BRD9: variants seen among roughly 807,000 people sequenced by gnomAD.
BRD9 encodes bromodomain-containing protein 9.
In BRD9, 47 loss-of-function variants were observed where a neutral mutation model predicts 68.7. That is an observed-to-expected ratio of 0.68 (90% confidence interval 0.54 to 0.87). BRD9 has a LOEUF of 0.87. Ranked by LOEUF, BRD9 falls within the 40% of genes least tolerant of loss-of-function variation. The pLI, the probability that BRD9 is intolerant of heterozygous loss-of-function variation, is 0.00. For synonymous variants in BRD9, 313 were observed against 293.9 expected (o/e 1.06, Z -0.67); for missense variants, 670 against 748.4 (o/e 0.90, Z 1.22).
chr5:883,053 TC>T (rs1752026794), intron 8 of BRD9: 2 of 338,398 alleles, frequency 5.9e-6, no homozygotes, highest in Admixed American at 8.3e-5. Context: ...CACTGCAACT[TC>T]CCAACACGTG....
intron 14 of BRD9, chr5:869,534 C>G (rs915178867): frequency 5.8e-6 from 2 of 345,906 alleles, no homozygotes; most frequent in Non-Finnish European, 1.1e-5. Context: ...CCTGACCCAA[C>G]AGAGATTTAA....
intron 12 of BRD9, 35 bp from the exon 13 acceptor site, chr5:871,599 CAG>C (rs1443986634): frequency 6.3e-7 from 1 of 1,597,862 alleles, no homozygotes; most frequent in East Asian, 2.2e-5. Context: ...CTAGTTTTTC[CAG>C]AGTGATTTCA....
intron 7 of BRD9, among the ~76,000 whole-genome samples, chr5:885,951 C>G (rs920601979): frequency 1.3e-5 from 2 of 152,120 alleles, no homozygotes; most frequent in Non-Finnish European, 2.9e-5. Context: ...GACAAAGAGC[C>G]CCCATGAAAA....
At chr5:869,755 T>G (rs559185369) in intron 14 of BRD9, among the ~76,000 whole-genome samples, 3 of 152,340 alleles carry the variant, frequency 2.0e-5, no homozygotes, top group Non-Finnish European at 2.9e-5. Context: ...AATCTCTGAA[T>G]CCACCAACGA....
intron 14 of BRD9, 43 bp downstream of exon 14, chr5:870,430 C>T (rs1453910145): frequency 2.0e-6 from 3 of 1,477,556 alleles, no homozygotes; most frequent in South Asian, 1.1e-5. Flanking sequence ...TCCTCTATCA[C>T]ACCTTCACCA....
Position 864,393 on chromosome 5 carries a change from G to A in BRD9, c.*75C>T, listed in dbSNP as rs1034584599. On this transcript the variant is annotated 3_prime_UTR_variant, in exon 16 of 16. Coordinates refer to ENST00000467963, the MANE Select transcript of BRD9 (RefSeq NM_023924.5). ...CAAAGGGGACAGGATCAAAGTCCTTGTCTGATGACAAAAACTCTACACGTG... is the reference window on the plus strand; with the variant it reads ...CAAAGGGGACAGGATCAAAGTCCTTATCTGATGACAAAAACTCTACACGTG... 3.1e-6 allele frequency: 4 copies of A among 1,283,446 alleles called. No homozygotes were observed. The highest frequency in any genetic ancestry group is 4.3e-6 in the Non-Finnish European group (4 of 924,614). 79.5% of individuals were successfully genotyped at this position (1,283,446 alleles called of 1,614,324 possible). A position where few individuals can be genotyped will look rare whatever the true frequency, so the allele number is the denominator to read the frequency against.
intron 6 of BRD9, 196 bp from the exon 7 acceptor site, chr5:886,903 G>T: frequency 1.0e-6 from 1 of 955,524 alleles, no homozygotes; most frequent in Non-Finnish European, 1.5e-6. Context: ...AGCAGCGGGA[G>T]GTGGTTGTGG....
In BRD9 at chr5:871,474, C is replaced by T. The variant is rs1750118398; in HGVS notation, c.1422+52G>A. The T allele has an allele frequency of 6.4e-6, 10 of 1,571,006 alleles. No individual in the cohort carries two copies. In the South Asian group the frequency reaches 1.1e-4, roughly 17 times the overall value. On this transcript the variant is annotated intron_variant, in intron 13 of 15. Transcript: ENST00000467963. ...TCCCCACCTCAAAGGCTGGATACAA[C>T]TTTCCCTGTGAGAATAATATTTGGC...
intron 4 of BRD9, 69 bp downstream of exon 4, chr5:889,518 A>C: frequency 2.6e-6 from 4 of 1,537,752 alleles, no homozygotes; most frequent in Non-Finnish European, 3.6e-6. Flanking sequence ...TGGCGTGGGG[A>C]ATAAGGCCTC....
chr5:875,826 T>C (rs1156839945), intron 12 of BRD9, among the ~76,000 whole-genome samples: 1 of 152,194 alleles, frequency 6.6e-6, no homozygotes, highest in Non-Finnish European at 1.5e-5. Flanking sequence ...CAGGAAATAT[T>C]TTTTTAAACT....
chr5:890,152 C>A, intron 3 of BRD9: 1 of 227,224 alleles, frequency 4.4e-6, no homozygotes, highest in Non-Finnish European at 9.0e-6. Context: ...TGAATCACGA[C>A]ACTGCACTCC....
At chr5:871,748 A>C (rs1391792014) in intron 12 of BRD9, among the ~76,000 whole-genome samples, 184 bp from the exon 13 acceptor site, 1 of 152,218 alleles carries the variant, frequency 6.6e-6, no homozygotes. Context: ...CCAGTCACTG[A>C]CCCAACCACG....
intron 8 of BRD9, chr5:883,732 C>A: frequency 3.0e-6 from 2 of 665,086 alleles, no homozygotes; most frequent in Non-Finnish European, 5.0e-6. Flanking sequence ...GCATGAAACA[C>A]CAGCGGCAGC....
Position 880,744 on chromosome 5 carries a change from A to G in BRD9, c.1042+363T>C, listed in dbSNP as rs758667105. 4.7e-4 allele frequency among the ~76,000 whole-genome samples: 71 copies of G among 152,218 alleles called. 1 individual carries two copies. The highest frequency in any genetic ancestry group is 1.0e-4 in the Non-Finnish European group (7 of 68,036). ...TCTTCTAAGACTGCTTTCCAGATTC[A>G]AGGAGCAGGGTGGGCCAGCACTCTG... On this transcript the variant is annotated intron_variant, in intron 9 of 15. Coordinates refer to ENST00000467963, the MANE Select transcript of BRD9 (RefSeq NM_023924.5).
intron 11 of BRD9, 107 bp downstream of exon 11, chr5:878,248 G>A: frequency 6.6e-7 from 1 of 1,507,300 alleles, no homozygotes. Context: ...ATGGACGGCT[G>A]CAAGATGGCT....
chr5:869,724 T>C (rs1332589803), intron 14 of BRD9, among the ~76,000 whole-genome samples: 1 of 152,234 alleles, frequency 6.6e-6, no homozygotes, highest in African/African-American at 2.4e-5. Flanking sequence ...CTTAACCCTT[T>C]CAACCAAATG....
chr5:892,603 C>T lies in BRD9; in HGVS notation c.52+3G>A. ...CGCGCGTCACAAAGCGCCGCCGCCT[C>T]ACCCTCGTAGGACGAGCGCCACTCG... On this transcript the variant is annotated splice_donor_region_variant and intron_variant, in intron 1 of 15. Coordinates refer to ENST00000467963, the MANE Select transcript of BRD9 (RefSeq NM_023924.5). The T allele has an allele frequency of 1.3e-6, 2 of 1,536,164 alleles. No individual in the cohort carries two copies. Among genetic ancestry groups the T allele is most frequent in the Non-Finnish European group, 1.8e-6 (2 of 1,140,758 alleles).
intron 8 of BRD9, chr5:883,558 C>A: frequency 2.6e-6 from 1 of 391,872 alleles, no homozygotes. Context: ...GACCATCTGT[C>A]GGATCCAACA....
chr5:875,349 C>CAT (rs796725464), intron 12 of BRD9, among the ~76,000 whole-genome samples: 20 of 140,112 alleles, frequency 1.4e-4, no homozygotes, highest in African/African-American at 5.1e-4. Context: ...ACTTCAGACG[C>CAT]TTTTTTTTTT....
Sources: allele counts gnomAD v4.1 joint callset (sites outside exome capture counted in the v4.1 genomes callset), GRCh38; gene constraint gnomAD v4.1.1; transcripts MANE v1.5; gene names NCBI Gene and HGNC (gene_info 2026-07-23, HGNC 2026-07-21).